DMD: variants seen among roughly 807,000 people sequenced by gnomAD.
The protein encoded by DMD is dystrophin, also known as mutant dystrophin.
A neutral mutation model predicts 330.1 loss-of-function variants in DMD; 63 were observed. The observed-to-expected ratio is 0.19, with a 90% CI of 0.16 to 0.24. The LOEUF (loss-of-function observed/expected upper bound fraction) is 0.24. Among genes scored for constraint, DMD ranks in the 10% least tolerant of loss-of-function variants. DMD has a pLI of 1.00. For missense variants in DMD, 3,344 were observed against 2,684.1 expected (o/e 1.25, Z -5.43); for synonymous variants, 1,223 against 959.8 (o/e 1.27, Z -5.07).
intron 1 of DMD, among the ~76,000 whole-genome samples, chrX:33,168,017 TA>T (rs1179894805): frequency 9.0e-6 from 1 of 111,215 alleles, no homozygotes; most frequent in South Asian, 3.7e-4. Flanking sequence ...AAACCAACAG[TA>T]CTCTTTCTAT....
intron 51 of DMD, among the ~76,000 whole-genome samples, chrX:31,744,308 G>A (rs2087636860): frequency 9.0e-6 from 1 of 111,552 alleles, no homozygotes; most frequent in Non-Finnish European, 1.9e-5. Flanking sequence ...ACCAAAACGT[G>A]ACACAGAGAC....
intron 54 of DMD, among the ~76,000 whole-genome samples, chrX:31,636,380 A>G (rs1274814723): frequency 2.7e-5 from 3 of 112,022 alleles, no homozygotes; most frequent in East Asian, 2.8e-4. Context: ...TTCAACATGT[A>G]TTGTTATAGT....
At chrX:31,280,672 C>G (rs151146369) in intron 62 of DMD, among the ~76,000 whole-genome samples, 1 of 112,030 alleles carries the variant, frequency 8.9e-6, no homozygotes, top group Non-Finnish European at 1.9e-5. Context: ...TTCAAAAATG[C>G]ATACAACTGC....
Position 32,411,873 on chromosome X carries a change from G to A in DMD, c.4112C>T (p.Ser1371Phe). Reference sequence around the variant, plus strand: ...TAAGGATTTTTCAGTCTCCTGGGCAGACTGGATGCTCTGTTCAAGCAACTT... The same window carrying A: ...TAAGGATTTTTCAGTCTCCTGGGCAAACTGGATGCTCTGTTCAAGCAACTT... ...RQKLLEQSIQ[S>F]AQETEKSLHL... The change falls in exon 30 of 79, where the codon TCT becomes TTT. Residue 1371 changes from serine to phenylalanine, a missense_variant. By Grantham distance (155) the Ser-to-Phe change is radical. Transcript: ENST00000357033. The A allele has an allele frequency of 1.7e-6, 2 of 1,210,968 alleles. No individual in the cohort carries two copies. Among genetic ancestry groups the A allele is most frequent in the Non-Finnish European group, 2.2e-6 (2 of 895,168 alleles).
chrX:32,367,644 G>C (rs1399356007), intron 34 of DMD, among the ~76,000 whole-genome samples: 3 of 111,795 alleles, frequency 2.7e-5, no homozygotes, highest in Admixed American at 9.5e-5. Flanking sequence ...GGTAGTTCCT[G>C]GGTCACAGAA....
chrX:31,335,686 C>G (rs1351448846), intron 61 of DMD, among the ~76,000 whole-genome samples: 1 of 112,280 alleles, frequency 8.9e-6, no homozygotes, highest in Non-Finnish European at 1.9e-5. Flanking sequence ...TAATCAACCT[C>G]ATTATGAAAG....
chrX:33,142,659 C>T (rs982364906), intron 1 of DMD, among the ~76,000 whole-genome samples: 10 of 112,138 alleles, frequency 8.9e-5, no homozygotes, highest in African/African-American at 2.9e-4. Context: ...CTTAATTTGA[C>T]GCCTTTCAAA....
intron 1 of DMD, among the ~76,000 whole-genome samples, chrX:33,023,030 T>G (rs1057179483): frequency 9.0e-6 from 1 of 111,578 alleles, no homozygotes; most frequent in Non-Finnish European, 1.9e-5. Context: ...GATGATATGG[T>G]TGTTAATACT....
chrX:32,820,121 T>C (rs2078111414), intron 5 of DMD, among the ~76,000 whole-genome samples: 1 of 112,199 alleles, frequency 8.9e-6, no homozygotes, highest in African/African-American at 3.2e-5. Flanking sequence ...ATATTCCTCA[T>C]TGCAAAAGCG....
intron 2 of DMD, among the ~76,000 whole-genome samples, chrX:32,870,977 A>AG (rs2082925371): frequency 2.4e-5 from 2 of 82,428 alleles, no homozygotes; most frequent in Non-Finnish European, 4.8e-5. Flanking sequence ...AAAAAAAAAA[A>AG]AAAAAAAAAA....
intron 7 of DMD, among the ~76,000 whole-genome samples, chrX:32,762,900 G>C (rs755924659): frequency 4.7e-4 from 53 of 112,005 alleles, no homozygotes; most frequent in African/African-American, 1.7e-3. Context: ...GACTGCTTAG[G>C]AAGTTACTGC....
chrX:31,221,607 T>G (rs1241517492), intron 64 of DMD, among the ~76,000 whole-genome samples: 1 of 113,197 alleles, frequency 8.8e-6, no homozygotes, highest in East Asian at 2.8e-4. Flanking sequence ...ATATATGACA[T>G]TGAAATGGTC....
chrX:31,483,482 TTGTGA>T (rs1338953184), intron 57 of DMD, among the ~76,000 whole-genome samples: 1 of 112,640 alleles, frequency 8.9e-6, no homozygotes, highest in African/African-American at 3.2e-5. Context: ...GGAGCATCCA[TTGTGA>T]GAGACCACGT....
intron 44 of DMD, among the ~76,000 whole-genome samples, chrX:31,973,303 A>G (rs5927909): frequency 0.2 from 21,359 of 109,440 alleles, 1,715 homozygotes; most frequent in African/African-American, 0.28. Context: ...TAGAAAAAAA[A>G]AAGAGTGGAA....
At chrX:31,724,225 A>G (rs1313988982) in intron 52 of DMD, among the ~76,000 whole-genome samples, 1 of 112,392 alleles carries the variant, frequency 8.9e-6, no homozygotes, top group Non-Finnish European at 1.9e-5. Flanking sequence ...ACAATACCTG[A>G]GAGGAAGATA....
intron 43 of DMD, among the ~76,000 whole-genome samples, chrX:32,226,268 C>T (rs1295131704): frequency 8.9e-6 from 1 of 111,812 alleles, no homozygotes; most frequent in African/African-American, 3.2e-5. Context: ...CATAGAAAAT[C>T]TGAAAATTTT....
chrX:31,242,418 T>C (rs2048421089), intron 63 of DMD, among the ~76,000 whole-genome samples: 1 of 110,336 alleles, frequency 9.1e-6, no homozygotes, highest in Non-Finnish European at 1.9e-5. Flanking sequence ...ACCTGAGTAT[T>C]ACAAAATTTC....
At chrX:31,757,691 T>G (rs2089230236) in intron 51 of DMD, among the ~76,000 whole-genome samples, 1 of 110,209 alleles carries the variant, frequency 9.1e-6, no homozygotes, top group Non-Finnish European at 1.9e-5. Context: ...AGAGCCCGCA[T>G]GACCTAATCA....
chrX:32,611,856 T>C (rs1477953937), intron 12 of DMD, among the ~76,000 whole-genome samples: 1 of 112,017 alleles, frequency 8.9e-6, no homozygotes, highest in East Asian at 2.8e-4. Context: ...ACATTTAAAC[T>C]GTGACTGGAA....
Sources: allele counts gnomAD v4.1 joint callset (sites outside exome capture counted in the v4.1 genomes callset), GRCh38; gene constraint gnomAD v4.1.1; transcripts MANE v1.5; gene names NCBI Gene and HGNC (gene_info 2026-07-23, HGNC 2026-07-21).